The following ST7 variants were observed in gnomAD, a reference collection of about 807,000 sequenced individuals.
ST7 encodes the protein suppressor of tumorigenicity 7 protein.
ST7 carries 28 observed loss-of-function variants against 78.7 expected under a neutral mutation model. The ratio of observed to expected loss-of-function variants is 0.36; its 90% CI spans 0.26 to 0.49. ST7 has a LOEUF of 0.49. ST7 is among the 20% of genes least tolerant of loss of function. The pLI is 0.99. For synonymous variants in ST7, 247 were observed against 249.6 expected (o/e 0.99, Z 0.10); for missense variants, 418 against 696.0 (o/e 0.60, Z 4.49).
At chr7:117,204,085 G>A (rs1411191699) in intron 12 of ST7, among the ~76,000 whole-genome samples, 2 of 152,084 alleles carry the variant, frequency 1.3e-5, no homozygotes, top group African/African-American at 4.8e-5. Context: ...CCTCCATATC[G>A]GTCGGTTAAT....
intron 15 of ST7, chr7:117,223,996 A>G: frequency 2.1e-6 from 2 of 954,438 alleles, no homozygotes; most frequent in Non-Finnish European, 2.5e-6. Context: ...ACTTATAATC[A>G]TAGCCTCTTA....
Position 117,189,312 on chromosome 7 carries a change from C to G in ST7, c.1079-9C>G, listed in dbSNP as rs1809564390. ...ACTTATGTGTTCCTACTTTCTTTTTCTCCAACAGATATAAGCTTACCAAAG... is the reference window on the plus strand; with the variant it reads ...ACTTATGTGTTCCTACTTTCTTTTTGTCCAACAGATATAAGCTTACCAAAG... On this transcript the variant is annotated splice_polypyrimidine_tract_variant and intron_variant, in intron 10 of 15. Transcript: ENST00000323984. The G allele has an allele frequency of 1.3e-6, 2 of 1,595,422 alleles. No homozygotes were observed. Among genetic ancestry groups the G allele is most frequent in the Non-Finnish European group, 8.6e-7 (1 of 1,168,836 alleles).
intron 1 of ST7, among the ~76,000 whole-genome samples, chr7:117,061,948 A>G (rs1798378853): frequency 6.6e-6 from 1 of 152,212 alleles, no homozygotes; most frequent in Non-Finnish European, 1.5e-5. Flanking sequence ...TGCCATAACA[A>G]AATTTCATAG....
intron 1 of ST7, among the ~76,000 whole-genome samples, chr7:117,011,833 A>C (rs1795397235): frequency 6.6e-6 from 1 of 152,216 alleles, no homozygotes; most frequent in Admixed American, 6.5e-5. Context: ...TAGGCATATC[A>C]GCAAGTCTCA....
chr7:116,972,587 C>T, intron 1 of ST7: 2 of 1,414,628 alleles, frequency 1.4e-6, no homozygotes, highest in African/African-American at 1.4e-5. Flanking sequence ...AGTTGAATTT[C>T]CTGGAGTTCC....
chr7:117,048,546 A>G (rs1797607559), intron 1 of ST7, among the ~76,000 whole-genome samples: 3 of 151,962 alleles, frequency 2.0e-5, no homozygotes, highest in South Asian at 2.1e-4. Context: ...TGTGGTGTCT[A>G]TTAGCTTTTG....
chr7:117,200,977 T>C (rs903929746), intron 12 of ST7, among the ~76,000 whole-genome samples: 5 of 152,208 alleles, frequency 3.3e-5, no homozygotes, highest in Non-Finnish European at 7.3e-5. Context: ...ATGGAAATTC[T>C]ATTTCATGCA....
intron 13 of ST7, among the ~76,000 whole-genome samples, chr7:117,218,508 A>G (rs1343178495): frequency 6.6e-6 from 1 of 152,210 alleles, no homozygotes; most frequent in Non-Finnish European, 1.5e-5. Flanking sequence ...ATTTTCCCAC[A>G]TGATAAAAGT....
In ST7 at chr7:117,130,478, T is replaced by A; in HGVS notation, c.450-13T>A. On this transcript the variant is annotated splice_polypyrimidine_tract_variant and intron_variant, in intron 4 of 15. Transcript: ENST00000323984. Reference sequence around the variant, plus strand: ...TCTCAAAAGTGTCTAATCATCTTATTTCTCCTTTGCAGGTATACTTGGGTG... The same window carrying A: ...TCTCAAAAGTGTCTAATCATCTTATATCTCCTTTGCAGGTATACTTGGGTG... 1 of 1,588,446 alleles carries A rather than the reference T, an allele frequency of 6.3e-7. No individual in the cohort carries two copies. Among genetic ancestry groups the A allele is most frequent in the Non-Finnish European group, 8.6e-7 (1 of 1,160,306 alleles).
At chr7:117,029,439 GTCT>G (rs1483936480) in intron 1 of ST7, among the ~76,000 whole-genome samples, 1 of 151,974 alleles carries the variant, frequency 6.6e-6, no homozygotes, top group African/African-American at 2.4e-5. Context: ...AAATGAGGTT[GTCT>G]TCTTATTACC....
At chr7:117,118,319 A>T (rs1803063930) in intron 2 of ST7, 2 of 152,278 alleles carry the variant, frequency 1.3e-5, no homozygotes, top group African/African-American at 2.4e-5. Context: ...CATGTAAGGG[A>T]TACTCAACCT....
chr7:117,104,640 C>G (rs1353750446), intron 2 of ST7, among the ~76,000 whole-genome samples: 2 of 152,182 alleles, frequency 1.3e-5, no homozygotes, highest in Non-Finnish European at 2.9e-5. Flanking sequence ...GAAAGGAAAT[C>G]AGTATGTCAA....
chr7:117,082,954 T>C (rs1268328873), intron 1 of ST7, among the ~76,000 whole-genome samples: 2 of 152,266 alleles, frequency 1.3e-5, no homozygotes, highest in African/African-American at 4.8e-5. Flanking sequence ...GCTCTGTTTG[T>C]AATACCATAC....
intron 4 of ST7, 107 bp downstream of exon 4, chr7:117,129,954 A>AATACTAAAAAT: frequency 5.2e-6 from 4 of 762,298 alleles, no homozygotes; most frequent in Non-Finnish European, 8.7e-6. Context: ...CAGTCTATGT[A>AATACTAAAAAT]GTGCGTCCAT....
At chr7:117,139,521 A>AG (rs1349942060) in intron 9 of ST7, among the ~76,000 whole-genome samples, 1 of 152,098 alleles carries the variant, frequency 6.6e-6, no homozygotes, top group African/African-American at 2.4e-5. Flanking sequence ...TCTTTGGAGG[A>AG]GGGAGCACCA....
intron 2 of ST7, among the ~76,000 whole-genome samples, chr7:117,116,858 A>C (rs1358792726): frequency 6.6e-6 from 1 of 152,234 alleles, no homozygotes; most frequent in East Asian, 1.9e-4. Context: ...TGTCCAGTTA[A>C]TATGAGTCAT....
At chr7:117,174,120 T>G (rs1808193282) in intron 10 of ST7, among the ~76,000 whole-genome samples, 1 of 152,208 alleles carries the variant, frequency 6.6e-6, no homozygotes, top group African/African-American at 2.4e-5. Flanking sequence ...CTGATTTTGA[T>G]TTTTGCCATT....
At chr7:117,189,292 T>C (rs1335723541) in intron 10 of ST7, 29 bp from the exon 11 acceptor site, 32 of 1,566,792 alleles carry the variant, frequency 2.0e-5, no homozygotes, top group Middle Eastern at 1.7e-4. Context: ...TGCAAACTTA[T>C]GTGTTCCTAC....
rs747229687 is a variant in ST7 at position 116,953,520 on chromosome 7, A to G, written c.-21A>G. 37 of 1,328,416 alleles carry G rather than the reference A, an allele frequency of 2.8e-5. No homozygotes were observed. Among genetic ancestry groups the G allele is most frequent in the Admixed American group, 8.9e-5 (4 of 45,082 alleles). The allele number at this position is 1,328,416 out of a possible 1,614,324, so 82.3% of individuals were successfully genotyped here. On this transcript the variant is annotated 5_prime_UTR_variant, in exon 1 of 16. Coordinates refer to ENST00000323984, the MANE Select transcript of ST7 (RefSeq NM_001369598.1). The stretch of plus-strand genomic sequence containing the variant: ...CCCGGCAGACACCAAGAGCCGCGGC[A>G]GCAGAGAGGAGCGCTGAAACATGGC...
Sources: allele counts gnomAD v4.1 joint callset (sites outside exome capture counted in the v4.1 genomes callset), GRCh38; gene constraint gnomAD v4.1.1; transcripts MANE v1.5; gene names NCBI Gene and HGNC (gene_info 2026-07-23, HGNC 2026-07-21).